KCNH7: variants seen among roughly 807,000 people sequenced by gnomAD.
KCNH7 encodes potassium voltage-gated channel subfamily H member 7, also known as voltage-gated inwardly rectifying potassium channel KCNH7.
Under a neutral mutation model 120.8 loss-of-function variants are expected in KCNH7, and 49 were observed. The observed-to-expected ratio is 0.41, with a 90% CI of 0.32 to 0.51. KCNH7 has a LOEUF of 0.51. Ranked by LOEUF, KCNH7 falls within the 20% of genes least tolerant of loss-of-function variation. The pLI, the probability that KCNH7 is intolerant of heterozygous loss-of-function variation, is 0.38. For missense variants in KCNH7, 1,097 were observed against 1,446.6 expected (o/e 0.76, Z 3.92); for synonymous variants, 547 against 516.1 (o/e 1.06, Z -0.81).
At chr2:162,511,504 A>G (rs1691072910) in intron 5 of KCNH7, among the ~76,000 whole-genome samples, 1 of 149,968 alleles carries the variant, frequency 6.7e-6, no homozygotes, top group African/African-American at 2.4e-5. Flanking sequence ...AAAAAAAAGA[A>G]CAATGATGTA....
intron 2 of KCNH7, among the ~76,000 whole-genome samples, chr2:162,705,390 G>T (rs1686662038): frequency 6.6e-6 from 1 of 151,950 alleles, no homozygotes. Context: ...TTATTGCTAG[G>T]GTCCTACTCA....
chr2:162,478,299 C>T (rs373283313), intron 6 of KCNH7, among the ~76,000 whole-genome samples: 2 of 152,100 alleles, frequency 1.3e-5, no homozygotes, highest in Non-Finnish European at 2.9e-5. Context: ...GTTAATTGTT[C>T]ATTATAGTAC....
At chr2:162,687,789 A>G (rs1444518433) in intron 2 of KCNH7, among the ~76,000 whole-genome samples, 3 of 152,194 alleles carry the variant, frequency 2.0e-5, no homozygotes, top group Non-Finnish European at 4.4e-5. Context: ...CTGTGCAAAC[A>G]TCACTAGACT....
intron 2 of KCNH7, among the ~76,000 whole-genome samples, chr2:162,786,243 A>C (rs1410927370): frequency 9.5e-4 from 1 of 1,058 alleles, no homozygotes; most frequent in South Asian, 0.12. Flanking sequence ...AATCCGTCTC[A>C]AAAAAAAAAA....
In KCNH7 at chr2:162,687,327, CTT is replaced by C. The variant is rs573175780; in HGVS notation, c.307+149208_307+149209del. On this transcript the variant is annotated intron_variant, in intron 2 of 15. Transcript: ENST00000332142. Reference sequence around the variant, plus strand: ...GGCTCTCAAGAAAGAATTTTCAGGACTTTTGCAGGACAGTGGCTAAACATAAC... The same window carrying C: ...GGCTCTCAAGAAAGAATTTTCAGGACTTGCAGGACAGTGGCTAAACATAAC... Among the ~76,000 whole-genome samples, 9 of 152,128 alleles carry C rather than the reference CTT, an allele frequency of 5.9e-5. No individual in the cohort carries two copies. The East Asian group carries it at 1.7e-3, about 29-fold the overall frequency.
chr2:162,691,379 T>A (rs1374356804), intron 2 of KCNH7, among the ~76,000 whole-genome samples: 1 of 152,138 alleles, frequency 6.6e-6, no homozygotes, highest in Non-Finnish European at 1.5e-5. Context: ...TGTGGAGACT[T>A]TTGTTTGAGT....
intron 12 of KCNH7, among the ~76,000 whole-genome samples, chr2:162,388,993 T>C (rs1241430424): frequency 1.3e-5 from 2 of 151,986 alleles, no homozygotes; most frequent in Non-Finnish European, 2.9e-5. Context: ...AGGATGTGTG[T>C]ATCTCTTGAA....
chr2:162,636,473 C>T (rs1458024715), intron 2 of KCNH7, among the ~76,000 whole-genome samples: 2 of 152,034 alleles, frequency 1.3e-5, no homozygotes, highest in African/African-American at 2.4e-5. Flanking sequence ...TCAGCCTTGG[C>T]TAGTTTCTTA....
chr2:162,392,945 C>T (rs981915444), intron 12 of KCNH7, among the ~76,000 whole-genome samples: 3 of 151,544 alleles, frequency 2.0e-5, no homozygotes, highest in Admixed American at 6.6e-5. Context: ...GGGCAAGTTG[C>T]ATGTGGGAAG....
chr2:162,620,050 T>A (rs558414487), intron 2 of KCNH7, among the ~76,000 whole-genome samples: 1 of 151,548 alleles, frequency 6.6e-6, no homozygotes, highest in African/African-American at 2.4e-5. Flanking sequence ...AGTATATACA[T>A]ATATATGTTT....
In KCNH7 at chr2:162,595,323, C is replaced by A. The variant is rs1335641876; in HGVS notation, c.308-58243G>T. Among the ~76,000 whole-genome samples the A allele has an allele frequency of 2.6e-5, 4 of 151,982 alleles. No individual in the cohort carries two copies. In the South Asian group the frequency reaches 8.3e-4, roughly 32 times the overall value. The stretch of plus-strand genomic sequence containing the variant: ...CACAAGAACAGCATGGGGTAAACTG[C>A]CCCCATAATACAAGTACCTCCACCT... On this transcript the variant is annotated intron_variant, in intron 2 of 15. Coordinates refer to ENST00000332142, the MANE Select transcript of KCNH7 (RefSeq NM_033272.4).
At chr2:162,567,023 C>T (rs911124160) in intron 2 of KCNH7, among the ~76,000 whole-genome samples, 1 of 151,844 alleles carries the variant, frequency 6.6e-6, no homozygotes, top group Non-Finnish European at 1.5e-5. Flanking sequence ...TGTTAGTATA[C>T]CTGTATATGG....
intron 2 of KCNH7, among the ~76,000 whole-genome samples, chr2:162,754,246 G>A (rs1467181049): frequency 6.6e-6 from 1 of 152,042 alleles, no homozygotes; most frequent in African/African-American, 2.4e-5. Context: ...AATAGATCAA[G>A]AGGCAGCAGT....
chr2:162,452,606 G>A (rs187740415), intron 6 of KCNH7, among the ~76,000 whole-genome samples: 109 of 152,128 alleles, frequency 7.2e-4, no homozygotes, highest in African/African-American at 2.6e-3. Flanking sequence ...ACTCAGAGAT[G>A]CTAACTGCAG....
intron 2 of KCNH7, among the ~76,000 whole-genome samples, chr2:162,651,827 A>G (rs1411449294): frequency 2.6e-5 from 4 of 152,214 alleles, no homozygotes; most frequent in Non-Finnish European, 5.9e-5. Flanking sequence ...CCAACAGGGT[A>G]GAAGTGTTCC....
At chr2:162,542,822 C>T (rs1028417899) in intron 2 of KCNH7, among the ~76,000 whole-genome samples, 6 of 152,082 alleles carry the variant, frequency 3.9e-5, no homozygotes, top group Non-Finnish European at 7.4e-5. Flanking sequence ...AGAGGAATCG[C>T]CACACTGTCT....
intron 2 of KCNH7, among the ~76,000 whole-genome samples, chr2:162,723,042 G>A (rs1052571837): frequency 6.6e-5 from 10 of 151,116 alleles, no homozygotes; most frequent in African/African-American, 2.4e-4. Context: ...TGACCTTGTT[G>A]AGCATCTTTA....
intron 12 of KCNH7, among the ~76,000 whole-genome samples, chr2:162,392,332 AAATT>A (rs936013375): frequency 2.0e-5 from 3 of 151,870 alleles, no homozygotes; most frequent in South Asian, 4.1e-4. Flanking sequence ...ACAAGGAAGC[AAATT>A]AATTAAGGGA....
chr2:162,532,363 G>A (rs1447015024), intron 3 of KCNH7, among the ~76,000 whole-genome samples: 2 of 151,876 alleles, frequency 1.3e-5, no homozygotes, highest in Non-Finnish European at 2.9e-5. Context: ...TCTGTAACAT[G>A]AGCACCAGTT....
Sources: allele counts gnomAD v4.1 joint callset (sites outside exome capture counted in the v4.1 genomes callset), GRCh38; gene constraint gnomAD v4.1.1; transcripts MANE v1.5; gene names NCBI Gene and HGNC (gene_info 2026-07-23, HGNC 2026-07-21).